Variants in CDH13 observed in about 807,000 individuals in gnomAD.
The protein encoded by CDH13 is cadherin-13.
A neutral mutation model predicts 63.8 loss-of-function variants in CDH13; 24 were observed. That is an observed-to-expected ratio of 0.38 (90% CI 0.27 to 0.53). The LOEUF (loss-of-function observed/expected upper bound fraction) is 0.53, where lower values mean the gene tolerates loss of function less well. Among genes scored for constraint, CDH13 ranks in the 20% least tolerant of loss-of-function variants. The pLI, the probability that CDH13 is intolerant of heterozygous loss-of-function variation, is 0.85. For synonymous variants in CDH13, 503 were observed against 355.3 expected (o/e 1.42, Z -4.67); for missense variants, 1,049 against 903.1 (o/e 1.16, Z -2.07).
chr16:83,708,619 T>C (rs886103020), intron 10 of CDH13, among the ~76,000 whole-genome samples: 1 of 152,218 alleles, frequency 6.6e-6, no homozygotes, highest in African/African-American at 2.4e-5. Context: ...GTCCACATCC[T>C]AGTCCTTACC....
chr16:83,464,473 T>G (rs1454169576), intron 6 of CDH13, among the ~76,000 whole-genome samples: 1 of 152,192 alleles, frequency 6.6e-6, no homozygotes, highest in East Asian at 1.9e-4. Context: ...GATCGTGCCA[T>G]TGCACTCCAG....
intron 10 of CDH13, among the ~76,000 whole-genome samples, chr16:83,737,199 G>A (rs569457322): frequency 9.2e-5 from 14 of 152,254 alleles, no homozygotes; most frequent in African/African-American, 2.9e-4. Flanking sequence ...GGCAAAGAGC[G>A]CCTATTTCCT....
At chr16:82,984,998 GT>G (rs1341209999) in intron 2 of CDH13, among the ~76,000 whole-genome samples, 1 of 152,022 alleles carries the variant, frequency 6.6e-6, no homozygotes, top group Non-Finnish European at 1.5e-5. Context: ...TCTCCTTTTT[GT>G]GCCCAGCCCC....
At chr16:83,757,881 C>T (rs753476258) in intron 11 of CDH13, among the ~76,000 whole-genome samples, 2 of 151,786 alleles carry the variant, frequency 1.3e-5, no homozygotes, top group Non-Finnish European at 2.9e-5. Flanking sequence ...GTAATCCCAG[C>T]ACTTTGGAGG....
chr16:82,800,925 A>T (rs2036824809), intron 1 of CDH13, among the ~76,000 whole-genome samples: 1 of 151,586 alleles, frequency 6.6e-6, no homozygotes, highest in Non-Finnish European at 1.5e-5. Flanking sequence ...CCTCCTTTCG[A>T]CTCCATTTGG....
chr16:82,995,181 C>G (rs1004258364), intron 2 of CDH13, among the ~76,000 whole-genome samples: 15 of 152,182 alleles, frequency 9.9e-5, no homozygotes, highest in Admixed American at 2.6e-4. Flanking sequence ...TCTCTCCATT[C>G]TAGGGGAAAC....
At chr16:83,183,139 G>A (rs28645485) in intron 4 of CDH13, among the ~76,000 whole-genome samples, 9,285 of 152,160 alleles carry the variant, frequency 0.061, 942 homozygotes, top group African/African-American at 0.21. Context: ...GGAACTATTC[G>A]TCTTATTTGT....
chr16:82,786,714 C>G (rs892069376), intron 1 of CDH13, among the ~76,000 whole-genome samples: 4 of 145,940 alleles, frequency 2.7e-5, no homozygotes, highest in African/African-American at 7.6e-5. Context: ...TCCAAGCGTT[C>G]TCATTGTTCA....
At chr16:82,627,298 C>T (rs1288059315) in intron 1 of CDH13, among the ~76,000 whole-genome samples, 161 bp downstream of exon 1, 1 of 150,562 alleles carries the variant, frequency 6.6e-6, no homozygotes, top group Non-Finnish European at 1.5e-5. Flanking sequence ...GCCCAGAGAT[C>T]CTAGGCACCC....
At chr16:83,363,026 A>T (rs187725393) in intron 6 of CDH13, among the ~76,000 whole-genome samples, 10 of 152,338 alleles carry the variant, frequency 6.6e-5, no homozygotes, top group Middle Eastern at 3.4e-3. Flanking sequence ...CTCAAAGGAT[A>T]AGGTCAAACT....
At chr16:83,107,830 C>G (rs2034850234) in intron 3 of CDH13, among the ~76,000 whole-genome samples, 1 of 138,806 alleles carries the variant, frequency 7.2e-6, no homozygotes, top group Non-Finnish European at 1.6e-5. Flanking sequence ...TTTTGCTTTT[C>G]TTTTCTTGAG....
At chr16:83,005,458 C>T (rs1032539907) in intron 2 of CDH13, among the ~76,000 whole-genome samples, 7 of 152,274 alleles carry the variant, frequency 4.6e-5, no homozygotes, top group Middle Eastern at 3.4e-3. Flanking sequence ...TTCAGTGCCC[C>T]GCCCCCACCA....
chr16:83,209,782 G>C (rs889671502), intron 4 of CDH13, among the ~76,000 whole-genome samples: 7 of 152,120 alleles, frequency 4.6e-5, no homozygotes, highest in African/African-American at 7.2e-5. Flanking sequence ...GAGGGCTAGA[G>C]CTCAGGTGGA....
chr16:83,226,638 G>A (rs753061820), intron 5 of CDH13, among the ~76,000 whole-genome samples: 3 of 152,130 alleles, frequency 2.0e-5, no homozygotes, highest in African/African-American at 7.2e-5. Flanking sequence ...ATTACTTGGC[G>A]GCATTTTCTT....
chr16:82,760,782 A>G (rs1031091823), intron 1 of CDH13, among the ~76,000 whole-genome samples: 1 of 152,066 alleles, frequency 6.6e-6, no homozygotes, highest in African/African-American at 2.4e-5. Context: ...GCAGTTTACA[A>G]TCATGGTGTA....
At chr16:83,059,959 A>G (rs1207629031) in intron 3 of CDH13, among the ~76,000 whole-genome samples, 2 of 151,772 alleles carry the variant, frequency 1.3e-5, no homozygotes, top group African/African-American at 4.8e-5. Flanking sequence ...ACACCCAGCT[A>G]ATATTTTTGT....
chr16:83,429,511 G>GAC (rs71148834), intron 6 of CDH13, among the ~76,000 whole-genome samples: 12,632 of 149,038 alleles, frequency 0.085, 512 homozygotes, highest in East Asian at 0.15. Context: ...AGACAATGAA[G>GAC]ACACACACAC....
At position 83,636,036 on chromosome 16, in the gene CDH13, G is replaced by A. The variant is rs117843723; in HGVS notation, c.1101+33442G>A. On this transcript the variant is annotated intron_variant, in intron 8 of 13. Coordinates refer to ENST00000567109, the MANE Select transcript of CDH13 (RefSeq NM_001257.5). ...TTTATCTGCCAGTGGACACACAGTTGCTCCAGTAGCCTTTTAGAAATAGCT... is the reference window on the plus strand; with the variant it reads ...TTTATCTGCCAGTGGACACACAGTTACTCCAGTAGCCTTTTAGAAATAGCT... Among the ~76,000 whole-genome samples the A allele has an allele frequency of 4.4e-3, 662 of 151,958 alleles. 2 individuals are homozygous for A. Among genetic ancestry groups the A allele is most frequent in the Non-Finnish European group, 6.0e-3 (405 of 67,976 alleles).
chr16:83,039,102 C>G (rs1917117473), intron 3 of CDH13, among the ~76,000 whole-genome samples: 1 of 152,194 alleles, frequency 6.6e-6, no homozygotes, highest in Non-Finnish European at 1.5e-5. Flanking sequence ...GCAAAAGTCT[C>G]CCATGGCCCA....
Sources: gnomAD v4.1 joint callset for allele counts (sites outside exome capture counted in the v4.1 genomes callset) on GRCh38, gnomAD v4.1.1 for gene constraint, MANE v1.5 for transcripts, NCBI Gene and HGNC (gene_info 2026-07-23, HGNC 2026-07-21) for gene names.